Variants in DEPTOR observed in about 807,000 individuals in gnomAD.
DEPTOR encodes the protein DEP domain containing MTOR interacting protein.
A neutral mutation model predicts 41.6 loss-of-function variants in DEPTOR; 41 were observed. The observed-to-expected ratio is 0.98, with a 90% CI of 0.77 to 1.28. The LOEUF is 1.28. Ranked by LOEUF, DEPTOR falls within the 50% of genes most tolerant of loss-of-function variation. DEPTOR has a pLI of 0.00. For synonymous variants in DEPTOR, 195 were observed against 192.3 expected, an observed-to-expected ratio of 1.01 and a Z score of -0.12; for missense variants, 514 against 527.9, an observed-to-expected ratio of 0.97 and a Z score of 0.26.
intron 1 of DEPTOR, among the ~76,000 whole-genome samples, chr8:119,879,583 A>G (rs1369002249): frequency 4.6e-5 from 7 of 151,224 alleles, no homozygotes; most frequent in Non-Finnish European, 1.0e-4. Context: ...GTGGTGGTAC[A>G]TGCCTATAGT....
intron 1 of DEPTOR, among the ~76,000 whole-genome samples, chr8:119,898,738 A>AG (rs1437431637): frequency 6.6e-6 from 1 of 152,000 alleles, no homozygotes; most frequent in East Asian, 1.9e-4. Flanking sequence ...AAAAAAAAAA[A>AG]AAGCCTTATA....
intron 1 of DEPTOR, among the ~76,000 whole-genome samples, chr8:119,905,908 G>T (rs1827657180): frequency 6.6e-6 from 1 of 152,172 alleles, no homozygotes; most frequent in Non-Finnish European, 1.5e-5. Context: ...CTCCCAAAGT[G>T]CTGGGATTAA....
At position 119,873,883 on chromosome 8, in the gene DEPTOR, G is replaced by A. The variant is rs780725533; in HGVS notation, c.37G>A (p.Asp13Asn). ...EGGSTGSAGS[D>N]SSTSGSGGAQ... Reference sequence around the variant, plus strand: ...CGGCAGCACTGGCAGTGCTGGCAGTGACAGCAGCACCAGCGGGAGTGGCGG... The same window carrying A: ...CGGCAGCACTGGCAGTGCTGGCAGTAACAGCAGCACCAGCGGGAGTGGCGG... The change falls in exon 1 of 9, where the codon GAC (aspartate) becomes AAC (asparagine). Residue 13 changes from aspartate to asparagine, a missense_variant. Coordinates refer to ENST00000286234, the MANE Select transcript of DEPTOR (RefSeq NM_022783.4). The A allele has an allele frequency of 6.2e-7, 1 of 1,613,730 alleles. No homozygotes were observed. Among genetic ancestry groups the A allele is most frequent in the Non-Finnish European group, 8.5e-7 (1 of 1,179,854 alleles).
intron 3 of DEPTOR, among the ~76,000 whole-genome samples, chr8:119,930,835 A>G (rs1428731117): frequency 6.6e-6 from 1 of 152,166 alleles, no homozygotes; most frequent in Non-Finnish European, 1.5e-5. Context: ...TTTCCAGGGC[A>G]ACCATTAGAA....
chr8:119,995,046 A>C (rs1043835692), intron 4 of DEPTOR, among the ~76,000 whole-genome samples: 1 of 152,338 alleles, frequency 6.6e-6, no homozygotes, highest in East Asian at 1.9e-4. Context: ...TGAGTTCTGC[A>C]TAGGAACTTA....
At chr8:120,043,162 T>A (rs1255863332) in intron 8 of DEPTOR, among the ~76,000 whole-genome samples, 1 of 151,970 alleles carries the variant, frequency 6.6e-6, no homozygotes, top group East Asian at 1.9e-4. Context: ...TTAGTGGTGA[T>A]TTGTGAGATT....
chr8:119,902,688 T>C (rs1399715671), intron 1 of DEPTOR, among the ~76,000 whole-genome samples: 1 of 152,106 alleles, frequency 6.6e-6, no homozygotes, highest in Non-Finnish European at 1.5e-5. Flanking sequence ...ATGCTTATGC[T>C]CGAAAGAGGA....
chr8:119,982,110 A>G (rs1310801328), intron 4 of DEPTOR, among the ~76,000 whole-genome samples: 1 of 151,020 alleles, frequency 6.6e-6, no homozygotes, highest in Non-Finnish European at 1.5e-5. Flanking sequence ...ATGCTATATT[A>G]GCATTATGGA....
In DEPTOR at chr8:120,030,497, GTTTTTTTTTTT is replaced by G. The variant is rs1171655489; in HGVS notation, c.1102-19061_1102-19051del. Reference sequence around the variant, plus strand: ...AATGATGTATTGTGTAGGTTCATCAGTTTTTTTTTTTTTTTTTTTTTTTTTTTTAGCTGGAG... The same window carrying G: ...AATGATGTATTGTGTAGGTTCATCAGTTTTTTTTTTTTTTTTTAGCTGGAG... On this transcript the variant is annotated intron_variant, in intron 8 of 8. Coordinates refer to ENST00000286234, the MANE Select transcript of DEPTOR (RefSeq NM_022783.4). Among the ~76,000 whole-genome samples the G allele has an allele frequency of 1.0e-3, 48 of 46,216 alleles. 2 individuals are homozygous for G. In the East Asian group the frequency reaches 0.015, roughly 15 times the overall value. 30.3% of individuals were successfully genotyped at this position (46,216 alleles called of 152,430 possible).
At chr8:119,941,033 T>C (rs1828196397) in intron 3 of DEPTOR, among the ~76,000 whole-genome samples, 2 of 152,082 alleles carry the variant, frequency 1.3e-5, no homozygotes, top group African/African-American at 2.4e-5. Flanking sequence ...ATGGTGCTGA[T>C]GGTTGTACAC....
At chr8:119,930,774 T>C (rs1828033332) in intron 3 of DEPTOR, among the ~76,000 whole-genome samples, 2 of 152,124 alleles carry the variant, frequency 1.3e-5, no homozygotes, top group African/African-American at 4.8e-5. Flanking sequence ...CATCTCTGGG[T>C]TGATCTGCTA....
intron 8 of DEPTOR, among the ~76,000 whole-genome samples, chr8:120,028,452 CTT>C (rs754049805): frequency 3.3e-4 from 35 of 107,356 alleles, no homozygotes; most frequent in African/African-American, 8.5e-4. Flanking sequence ...AGCTCCAAAT[CTT>C]TTTTTTTTTT....
intron 4 of DEPTOR, among the ~76,000 whole-genome samples, chr8:119,972,246 A>C (rs1421393487): frequency 6.6e-6 from 1 of 152,214 alleles, no homozygotes; most frequent in Non-Finnish European, 1.5e-5. Flanking sequence ...TATCCCAGCC[A>C]CTGTTCTAAC....
chr8:120,036,125 C>A (rs1812975361), intron 8 of DEPTOR, among the ~76,000 whole-genome samples: 1 of 152,176 alleles, frequency 6.6e-6, no homozygotes, highest in South Asian at 2.1e-4. Context: ...CTGTGATTGA[C>A]CCATTTGCTG....
At chr8:119,880,295 C>T (rs1183883565) in intron 1 of DEPTOR, among the ~76,000 whole-genome samples, 1 of 152,076 alleles carries the variant, frequency 6.6e-6, no homozygotes. Context: ...CTTCTAAGCA[C>T]TTTATGTATG....
At chr8:119,964,699 T>C (rs1312480092) in intron 3 of DEPTOR, among the ~76,000 whole-genome samples, 1 of 152,146 alleles carries the variant, frequency 6.6e-6, no homozygotes, top group East Asian at 1.9e-4. Flanking sequence ...GAATACAGTC[T>C]GCTAATCGTA....
intron 8 of DEPTOR, among the ~76,000 whole-genome samples, chr8:120,049,026 A>T (rs147576577): frequency 0.019 from 2,819 of 152,262 alleles, 43 homozygotes; most frequent in Non-Finnish European, 0.031. Flanking sequence ...ACTTAATATC[A>T]TGTTTAAGTT....
intron 1 of DEPTOR, among the ~76,000 whole-genome samples, chr8:119,876,978 AG>A (rs141001754): frequency 1.1e-3 from 162 of 152,330 alleles, no homozygotes; most frequent in African/African-American, 3.8e-3. Flanking sequence ...CTTCCAGCCA[AG>A]CAAGATTGGG....
intron 1 of DEPTOR, among the ~76,000 whole-genome samples, chr8:119,908,306 A>G (rs1426589593): frequency 6.6e-6 from 1 of 152,106 alleles, no homozygotes; most frequent in Non-Finnish European, 1.5e-5. Flanking sequence ...AAACCAGTAA[A>G]TGGGTGAGGT....
Sources: gnomAD v4.1 joint callset for allele counts (sites outside exome capture counted in the v4.1 genomes callset) on GRCh38, gnomAD v4.1.1 for gene constraint, MANE v1.5 for transcripts, NCBI Gene and HGNC (gene_info 2026-07-23, HGNC 2026-07-21) for gene names.